Variants in CNBD1 observed in about 807,000 individuals in gnomAD.
CNBD1 encodes the protein cyclic nucleotide binding domain containing 1.
A neutral mutation model predicts 54.4 loss-of-function variants in CNBD1; 71 were observed. The observed-to-expected ratio is 1.30, with a 90% confidence interval of 1.08 to 1.59. The LOEUF (loss-of-function observed/expected upper bound fraction) is 1.59. Among genes scored for constraint, CNBD1 ranks in the 40% most tolerant of loss-of-function variants. The pLI is 0.00. For missense variants in CNBD1, 659 were observed against 518.0 expected (o/e 1.27, Z -2.64); for synonymous variants, 182 against 170.7 (o/e 1.07, Z -0.51).
chr8:86,873,022 A>G (rs2446123), intron 1 of CNBD1, among the ~76,000 whole-genome samples: 9,674 of 152,128 alleles, frequency 0.064, 364 homozygotes, highest in Middle Eastern at 0.095. Context: ...GAATTTCAGT[A>G]AGCTACGATC....
At chr8:87,390,738 TGGGTATATA>T (rs1811291114) in intron 2 of CNBD1, among the ~76,000 whole-genome samples, 1 of 152,188 alleles carries the variant, frequency 6.6e-6, no homozygotes, top group African/African-American at 2.4e-5. Context: ...ATCCCATTAC[TGGGTATATA>T]CCCGAAGGCT....
intron 4 of CNBD1, among the ~76,000 whole-genome samples, chr8:87,081,327 T>C (rs1333327238): frequency 2.0e-5 from 3 of 152,124 alleles, no homozygotes; most frequent in Non-Finnish European, 4.4e-5. Context: ...TTCTGGTGTG[T>C]ATTTCTAGTT....
intron 5 of CNBD1, among the ~76,000 whole-genome samples, chr8:87,216,290 T>C (rs1814209787): frequency 6.6e-6 from 1 of 152,176 alleles, no homozygotes; most frequent in Admixed American, 6.6e-5. Flanking sequence ...ATGGGTTAGC[T>C]GAGACAAACT....
rs187525555 is a variant in CNBD1 at position 87,068,810 on chromosome 8, G to A, written c.431+129056G>A. 2.6e-5 allele frequency among the ~76,000 whole-genome samples: 4 copies of A among 152,044 alleles called. No homozygotes were observed. The East Asian group carries it at 7.7e-4, about 29-fold the overall frequency. On this transcript the variant is annotated intron_variant, in intron 4 of 10. Transcript: ENST00000518476. ...TCCATCATTCCTTTCTCCTCCTAAA[G>A]CCTCTCTCAGCCAAGAGGGAAGTGC...
At chr8:87,379,696 A>G (rs1342224327) in intron 10 of CNBD1, among the ~76,000 whole-genome samples, 1 of 151,996 alleles carries the variant, frequency 6.6e-6, no homozygotes, top group Non-Finnish European at 1.5e-5. Context: ...CACTGTCAGA[A>G]TACCAGTAAT....
chr8:86,870,962 A>T (rs531394455), intron 1 of CNBD1, among the ~76,000 whole-genome samples: 1 of 152,184 alleles, frequency 6.6e-6, no homozygotes, highest in Non-Finnish European at 1.5e-5. Context: ...GTATTGAAAA[A>T]TTTTTTTCCT....
At chr8:87,391,943 A>C (rs1449760324) in intron 2 of CNBD1, among the ~76,000 whole-genome samples, 1 of 152,052 alleles carries the variant, frequency 6.6e-6, no homozygotes, top group East Asian at 1.9e-4. Context: ...TCTATGACAA[A>C]GACTTTATAC....
chr8:86,983,668 A>AAG (rs1336460961), intron 4 of CNBD1, among the ~76,000 whole-genome samples: 1 of 152,200 alleles, frequency 6.6e-6, no homozygotes, highest in Admixed American at 6.5e-5. Context: ...TGTTTTAGCA[A>AAG]AGAGACTGGT....
At chr8:87,354,760 T>C (rs1420305234) in intron 10 of CNBD1, among the ~76,000 whole-genome samples, 2 of 152,180 alleles carry the variant, frequency 1.3e-5, no homozygotes, top group Non-Finnish European at 2.9e-5. Flanking sequence ...GGCTGCATAG[T>C]ATTCCATGGT....
intron 4 of CNBD1, among the ~76,000 whole-genome samples, chr8:87,006,928 G>A (rs899168746): frequency 1.3e-5 from 2 of 152,172 alleles, no homozygotes; most frequent in Non-Finnish European, 2.9e-5. Flanking sequence ...CGGGTGCCGC[G>A]GCTCACGCCT....
chr8:87,374,496 T>C (rs1244735325), intron 10 of CNBD1, among the ~76,000 whole-genome samples: 1 of 151,834 alleles, frequency 6.6e-6, no homozygotes, highest in Non-Finnish European at 1.5e-5. Context: ...TCATTGCCCG[T>C]CTTTACATAC....
chr8:87,006,486 A>T (rs1016533837), intron 4 of CNBD1, among the ~76,000 whole-genome samples: 1 of 152,192 alleles, frequency 6.6e-6, no homozygotes, highest in Non-Finnish European at 1.5e-5. Context: ...TACAGGAAAC[A>T]TAGTGCCAGC....
rs1339698425 is a variant in CNBD1 at position 87,284,740 on chromosome 8, G to T, written c.834G>T (p.Gln278His). 61 of 1,604,358 alleles carry T rather than the reference G, an allele frequency of 3.8e-5. No homozygotes were observed. Among genetic ancestry groups the T allele is most frequent in the Middle Eastern group, 1.7e-4 (1 of 6,056 alleles). ...EVMPQNESET[Q>H]MFSVVTEDDC... ...TGCCTCAGAATGAATCGGAAACACA[G>T]ATGTTCTCGGTGGTGACAGAAGACG... The change falls in exon 7 of 11, where the codon CAG (glutamine) becomes CAT (histidine). Residue 278 changes from glutamine to histidine, a missense_variant. Physicochemically the swap from Gln to His is conservative, Grantham distance 24 (BLOSUM62 0). Transcript: ENST00000518476.
intron 4 of CNBD1, among the ~76,000 whole-genome samples, chr8:87,046,664 A>G (rs757773498): frequency 6.6e-6 from 1 of 152,150 alleles, no homozygotes; most frequent in Non-Finnish European, 1.5e-5. Flanking sequence ...TTCCCCTTAT[A>G]TCTAATGGGA....
At chr8:87,412,235 C>T (rs1249831734) in intron 2 of CNBD1, among the ~76,000 whole-genome samples, 1 of 152,062 alleles carries the variant, frequency 6.6e-6, no homozygotes, top group Non-Finnish European at 1.5e-5. Context: ...CATCATCTAA[C>T]ATCCAAATCC....
intron 8 of CNBD1, among the ~76,000 whole-genome samples, chr8:87,330,081 T>G (rs753463226): frequency 6.6e-6 from 1 of 151,968 alleles, no homozygotes; most frequent in Non-Finnish European, 1.5e-5. Flanking sequence ...GTTTTTAATC[T>G]AGGCTTTTAA....
intron 3 of CNBD1, among the ~76,000 whole-genome samples, chr8:86,921,879 G>A (rs1809280532): frequency 6.6e-6 from 1 of 152,062 alleles, no homozygotes; most frequent in African/African-American, 2.4e-5. Flanking sequence ...AGTCAGAGAG[G>A]GCCTCTGTGC....
intron 6 of CNBD1, among the ~76,000 whole-genome samples, chr8:87,241,263 G>A (rs1807696373): frequency 7.2e-6 from 1 of 139,430 alleles, no homozygotes; most frequent in Admixed American, 7.1e-5. Flanking sequence ...ATCTGTATTT[G>A]GAAGATTTTT....
intron 3 of CNBD1, among the ~76,000 whole-genome samples, chr8:86,917,675 T>C (rs1202559853): frequency 2.6e-5 from 4 of 152,084 alleles, no homozygotes; most frequent in African/African-American, 9.7e-5. Context: ...AATCCATTCA[T>C]TCCTAAGTAG....
Sources: gnomAD v4.1 joint callset for allele counts (sites outside exome capture counted in the v4.1 genomes callset) on GRCh38, gnomAD v4.1.1 for gene constraint, MANE v1.5 for transcripts, NCBI Gene and HGNC (gene_info 2026-07-23, HGNC 2026-07-21) for gene names.